The following MYO9A variants were observed in gnomAD, a reference collection of about 807,000 sequenced individuals.
The protein encoded by MYO9A is myosin IXA, also known as unconventional myosin-IXa.
A neutral mutation model predicts 293.3 loss-of-function variants in MYO9A; 103 were observed. The ratio of observed to expected loss-of-function variants is 0.35; its 90% confidence interval spans 0.30 to 0.41. The LOEUF (loss-of-function observed/expected upper bound fraction) is 0.41, where lower values mean the gene tolerates loss of function less well. MYO9A is among the 10% of genes least tolerant of loss of function. The probability of loss-of-function intolerance (pLI) is 1.00; values close to 1 mark genes in which losing one functional copy is unlikely to be tolerated. For synonymous variants in MYO9A, 1,001 were observed against 1,035.7 expected, an observed-to-expected ratio of 0.97 and a Z score of 0.64; for missense variants, 2,685 against 3,033.0, an observed-to-expected ratio of 0.89 and a Z score of 2.69.
At chr15:72,082,473 T>C (rs1198837973) in intron 1 of MYO9A, among the ~76,000 whole-genome samples, 1 of 152,110 alleles carries the variant, frequency 6.6e-6, no homozygotes, top group Non-Finnish European at 1.5e-5. Flanking sequence ...GCCAAGGACA[T>C]GGACAGGGAC....
At chr15:72,022,204 C>A (rs4511484) in intron 4 of MYO9A, among the ~76,000 whole-genome samples, 2 of 152,170 alleles carry the variant, frequency 1.3e-5, no homozygotes, top group South Asian at 4.1e-4. Context: ...ATTTCTAGAG[C>A]TGCCACATTA....
In MYO9A at chr15:71,875,856, G is replaced by T; in HGVS notation, c.5932-18C>A. ...TTTGGCACCTGACAGGGGGACAGGA[G>T]ATATATGGAAATTGTGATAACAAAG... On this transcript the variant is annotated intron_variant, in intron 31 of 41. Coordinates refer to ENST00000356056, the MANE Select transcript of MYO9A (RefSeq NM_006901.4). 1 of 1,321,398 alleles carries T rather than the reference G, an allele frequency of 7.6e-7. No individual in the cohort carries two copies. The highest frequency in any genetic ancestry group is 9.8e-7 in the Non-Finnish European group (1 of 1,021,008). 81.9% of individuals were successfully genotyped at this position (1,321,398 alleles called of 1,614,324 possible). A position where few individuals can be genotyped will look rare whatever the true frequency, so the allele number is the denominator to read the frequency against.
chr15:71,920,457 T>C (rs1596193666), intron 18 of MYO9A, among the ~76,000 whole-genome samples: 4 of 152,274 alleles, frequency 2.6e-5, no homozygotes. Flanking sequence ...TTAAAACACA[T>C]AGAAGGTATC....
intron 6 of MYO9A, among the ~76,000 whole-genome samples, chr15:72,016,375 G>T (rs530822331): frequency 6.6e-6 from 1 of 152,120 alleles, no homozygotes; most frequent in Non-Finnish European, 1.5e-5. Flanking sequence ...TGCTGTTTGT[G>T]CTTATTTAAT....
rs869151550 is a variant in MYO9A, at chr15:71,956,310, TA to T, written c.2182+3590del. The stretch of plus-strand genomic sequence containing the variant: ...ATGCAACACAGCGAAACCCGGCTCT[TA>T]AAAAAAAAAAAAAAAAAAAATATAT... On this transcript the variant is annotated intron_variant, in intron 14 of 41. Transcript: ENST00000356056. 1.1e-3 allele frequency among the ~76,000 whole-genome samples: 40 copies of T among 36,750 alleles called. 1 individual carries two copies. The highest frequency in any genetic ancestry group is 3.5e-3 in the African/African-American group (33 of 9,530). 24.1% of individuals were successfully genotyped at this position (36,750 alleles called of 152,430 possible). A position where few individuals can be genotyped will look rare whatever the true frequency, so the allele number is the denominator to read the frequency against.
At chr15:71,993,154 C>G (rs1344452036) in intron 10 of MYO9A, among the ~76,000 whole-genome samples, 1 of 152,030 alleles carries the variant, frequency 6.6e-6, no homozygotes, top group Non-Finnish European at 1.5e-5. Flanking sequence ...TGTTCGAGAC[C>G]AGCCTGGCCA....
rs28489035 is a variant in MYO9A, at chr15:71,850,200, G to C, written c.6582-33C>G. The C allele has an allele frequency of 4.3e-3, 6,972 of 1,611,692 alleles. 245 individuals carry two copies. The African/African-American group carries it at 0.08, about 18-fold the overall frequency. Reference sequence around the variant, plus strand: ...TTAAAACAAAACAAAAAACAAATGAGTAAGGGATAAAAAGGGAGCACCATA... The same window carrying C: ...TTAAAACAAAACAAAAAACAAATGACTAAGGGATAAAAAGGGAGCACCATA... On this transcript the variant is annotated intron_variant, in intron 37 of 41. Transcript: ENST00000356056.
intron 39 of MYO9A, among the ~76,000 whole-genome samples, chr15:71,842,917 G>A (rs1258774871): frequency 6.7e-6 from 1 of 149,712 alleles, no homozygotes; most frequent in African/African-American, 2.4e-5. Context: ...GTGTATGCAT[G>A]TGTGTGTGTG....
At chr15:72,051,847 A>C (rs990014917) in intron 1 of MYO9A, among the ~76,000 whole-genome samples, 37 of 152,222 alleles carry the variant, frequency 2.4e-4, no homozygotes, top group African/African-American at 8.7e-4. Flanking sequence ...CAGCAGGAGG[A>C]GGCAGGCAGG....
chr15:72,020,133 T>C (rs1313331557), intron 5 of MYO9A, among the ~76,000 whole-genome samples: 1 of 152,150 alleles, frequency 6.6e-6, no homozygotes, highest in African/African-American at 2.4e-5. Flanking sequence ...AAAAGCTTCG[T>C]AAGGATTTTT....
chr15:71,893,175 A>T, intron 26 of MYO9A: 1 of 1,274,786 alleles, frequency 7.8e-7, no homozygotes, highest in Non-Finnish European at 1.0e-6. Flanking sequence ...CCGGTCTGGC[A>T]ACCTGCTTGA....
At chr15:71,886,221 G>A (rs1419119084) in intron 27 of MYO9A, among the ~76,000 whole-genome samples, 1 of 151,120 alleles carries the variant, frequency 6.6e-6, no homozygotes, top group African/African-American at 2.4e-5. Flanking sequence ...AAAAGAAAGA[G>A]GCTGCTTGGA....
chr15:71,840,855 C>T (rs1205480265), intron 39 of MYO9A, among the ~76,000 whole-genome samples: 5 of 152,132 alleles, frequency 3.3e-5, no homozygotes, highest in Admixed American at 6.5e-5. Flanking sequence ...ATGGTCTCGA[C>T]GTCCTGACCT....
At position 71,898,844 on chromosome 15, in the gene MYO9A, C is replaced by T. The variant is rs140626110; in HGVS notation, c.3659G>A (p.Arg1220His). 2.2e-5 allele frequency: 36 copies of T among 1,613,984 alleles called. No individual in the cohort carries two copies. The highest frequency in any genetic ancestry group is 8.3e-5 in the Admixed American group (5 of 59,982). The change falls in exon 25 of 42, where the codon CGT becomes CAT. Residue 1220 changes from arginine (R) to histidine (H), a missense_variant. Coordinates refer to ENST00000356056, the MANE Select transcript of MYO9A (RefSeq NM_006901.4). The stretch of plus-strand genomic sequence containing the variant: ...CTTCAAGCAGTCCACTGAACTTTCA[C>T]GGCTAATTCGATTACTCTCTATTAC... ...KSVIESNRIS[R>H]ESSVDCLKES...
intron 19 of MYO9A, among the ~76,000 whole-genome samples, chr15:71,907,742 C>CT: frequency 6.6e-6 from 1 of 151,816 alleles, no homozygotes; most frequent in East Asian, 1.9e-4. Context: ...TAAATGTCTT[C>CT]TTTTGAGAAG....
chr15:72,009,878 T>C (rs1357542378), intron 7 of MYO9A, among the ~76,000 whole-genome samples: 1 of 152,190 alleles, frequency 6.6e-6, no homozygotes, highest in African/African-American at 2.4e-5. Context: ...CTCAAATTTT[T>C]ATATTTTTAA....
chr15:71,981,389 C>A (rs556300786), intron 11 of MYO9A, among the ~76,000 whole-genome samples: 1 of 152,160 alleles, frequency 6.6e-6, no homozygotes, highest in Non-Finnish European at 1.5e-5. Flanking sequence ...ATAATTTACC[C>A]GTGGAGCCAC....
At chr15:71,982,846 T>C (rs2076310047) in intron 11 of MYO9A, among the ~76,000 whole-genome samples, 1 of 152,236 alleles carries the variant, frequency 6.6e-6, no homozygotes, top group African/African-American at 2.4e-5. Context: ...CAGGTGCTTA[T>C]AAATTTTGGA....
In MYO9A at chr15:72,115,493, G is replaced by A. The variant is rs151156326; in HGVS notation, c.-72+2187C>T. Among the ~76,000 whole-genome samples the A allele has an allele frequency of 2.8e-3, 433 of 152,262 alleles. 1 individual carries two copies. Among genetic ancestry groups the A allele is most frequent in the South Asian group, 5.8e-3 (28 of 4,832 alleles). ...CAGAAACCTAGATTTTATCCTGTAT[G>A]CAACTTCTCCCCAACCCCAAATACA... is the stretch of plus-strand genomic sequence containing the variant. On this transcript the variant is annotated intron_variant, in intron 1 of 41. Transcript: ENST00000356056.
Sources: allele counts gnomAD v4.1 joint callset (sites outside exome capture counted in the v4.1 genomes callset), GRCh38; gene constraint gnomAD v4.1.1; transcripts MANE v1.5; gene names NCBI Gene and HGNC (gene_info 2026-07-23, HGNC 2026-07-21).